The following RBFOX1 variants were observed in gnomAD, a reference collection of about 807,000 sequenced individuals.
RBFOX1 encodes the protein RNA binding protein fox-1 homolog 1.
In RBFOX1, 8 loss-of-function variants were observed where a neutral mutation model predicts 57.7. That is an observed-to-expected ratio of 0.14 (90% CI 0.08 to 0.25). The LOEUF (loss-of-function observed/expected upper bound fraction) is 0.25. Among genes scored for constraint, RBFOX1 ranks in the 10% least tolerant of loss-of-function variants. RBFOX1 has a pLI of 1.00. For missense variants in RBFOX1, 611 were observed against 548.5 expected (o/e 1.11, Z -1.14); for synonymous variants, 326 against 222.4 (o/e 1.47, Z -4.15).
At chr16:6,882,990 A>T (rs1377104030) in intron 3 of RBFOX1, among the ~76,000 whole-genome samples, 2 of 152,088 alleles carry the variant, frequency 1.3e-5, no homozygotes, top group African/African-American at 4.8e-5. Context: ...TAAAGGTGAG[A>T]TTGTGAATTG....
At chr16:7,050,365 A>C (rs2049611051) in intron 3 of RBFOX1, among the ~76,000 whole-genome samples, 1 of 149,350 alleles carries the variant, frequency 6.7e-6, no homozygotes, top group South Asian at 2.1e-4. Context: ...TCCCAGGTTC[A>C]AGTGATTCTC....
At chr16:5,695,813 A>G (rs1479126239) in intron 3 of RBFOX1, among the ~76,000 whole-genome samples, 1 of 152,186 alleles carries the variant, frequency 6.6e-6, no homozygotes, top group Non-Finnish European at 1.5e-5. Context: ...AAAGGAAAGG[A>G]GGTAACTATA....
intron 4 of RBFOX1, among the ~76,000 whole-genome samples, chr16:7,341,141 A>T (rs937664996): frequency 5.3e-5 from 8 of 152,102 alleles, no homozygotes; most frequent in African/African-American, 1.9e-4. Flanking sequence ...CCGTCTAAAG[A>T]TAGACCTCTC....
At chr16:5,504,073 A>G (rs1198882165) in intron 2 of RBFOX1, among the ~76,000 whole-genome samples, 3 of 152,146 alleles carry the variant, frequency 2.0e-5, no homozygotes, top group Non-Finnish European at 4.4e-5. Context: ...CTGGAGCAGC[A>G]TCTCCAGAGG....
At chr16:6,302,539 T>A (rs1034770808) in intron 1 of RBFOX1, among the ~76,000 whole-genome samples, 3 of 152,232 alleles carry the variant, frequency 2.0e-5, no homozygotes, top group African/African-American at 7.2e-5. Context: ...TGTGTCATAC[T>A]GAGAGGCACG....
At chr16:5,673,066 G>T (rs1275121973) in intron 3 of RBFOX1, among the ~76,000 whole-genome samples, 1 of 152,118 alleles carries the variant, frequency 6.6e-6, no homozygotes, top group Non-Finnish European at 1.5e-5. Context: ...GCTTCCAGCG[G>T]TTTGGAAGTA....
chr16:6,423,200 T>G (rs987451758), intron 2 of RBFOX1, among the ~76,000 whole-genome samples: 3 of 152,220 alleles, frequency 2.0e-5, no homozygotes, highest in African/African-American at 7.2e-5. Flanking sequence ...CTGATAACAA[T>G]ACAGTGTTTG....
At chr16:5,467,328 C>T (rs676143) in intron 2 of RBFOX1, 107,649 of 1,386,468 alleles carry the variant, frequency 0.078, 8,350 homozygotes, top group African/African-American at 0.4. Context: ...AAAAATCTTG[C>T]GTCACAGCCC....
chr16:7,221,079 GC>G (rs1335381022), intron 4 of RBFOX1, among the ~76,000 whole-genome samples: 7 of 152,106 alleles, frequency 4.6e-5, no homozygotes, highest in Admixed American at 4.6e-4. Context: ...TTAAAATGAA[GC>G]CAGGTTGATG....
At chr16:6,646,318 C>T (rs990425617) in intron 2 of RBFOX1, among the ~76,000 whole-genome samples, 10 of 152,048 alleles carry the variant, frequency 6.6e-5, no homozygotes, top group African/African-American at 1.7e-4. Context: ...GGGCGCCTCC[C>T]GCATAGATCT....
chr16:6,466,095 G>T (rs1390561802), intron 2 of RBFOX1, among the ~76,000 whole-genome samples: 5 of 151,896 alleles, frequency 3.3e-5, no homozygotes, highest in Non-Finnish European at 7.4e-5. Context: ...CAGGTGTGGT[G>T]GTGGGCACCT....
In RBFOX1 at chr16:6,485,975, G is replaced by A. The variant is rs147363970; in HGVS notation, c.-63-168628G>A. ...TAGTTTTTCTTTTTTGTATGATATT[G>A]TGTTCCTTTTTGCTCTTAAAAAGGA... On this transcript the variant is annotated intron_variant, in intron 2 of 15. Coordinates refer to ENST00000550418, the MANE Select transcript of RBFOX1 (RefSeq NM_018723.4). 1.3e-3 allele frequency among the ~76,000 whole-genome samples: 184 copies of A among 146,282 alleles called. 2 individuals carry two copies. The South Asian group carries it at 0.017, about 14-fold the overall frequency.
In RBFOX1 at chr16:6,960,637, T is replaced by A. The variant is rs867385023; in HGVS notation, c.-15-91420T>A. Among the ~76,000 whole-genome samples the A allele has an allele frequency of 4.4e-4, 67 of 151,968 alleles. 1 individual carries two copies. The highest frequency in any genetic ancestry group is 7.9e-4 in the Non-Finnish European group (54 of 67,978). ...TGCCTTTTTTCCTGCCTTCTCTCCTTCCTTCCTCTGTTCTGGAGACAGGAC... is the reference window on the plus strand; with the variant it reads ...TGCCTTTTTTCCTGCCTTCTCTCCTACCTTCCTCTGTTCTGGAGACAGGAC... On this transcript the variant is annotated intron_variant, in intron 3 of 15. Transcript: ENST00000550418.
chr16:5,542,535 G>A (rs948383221), intron 2 of RBFOX1, among the ~76,000 whole-genome samples: 8 of 151,918 alleles, frequency 5.3e-5, no homozygotes, highest in African/African-American at 1.5e-4. Flanking sequence ...GGGGTTACAG[G>A]CGTGAACCAC....
At chr16:5,506,452 A>G (rs2043382169) in intron 2 of RBFOX1, among the ~76,000 whole-genome samples, 1 of 152,208 alleles carries the variant, frequency 6.6e-6, no homozygotes, top group Admixed American at 6.5e-5. Flanking sequence ...ACGTGAACCC[A>G]GACCAGAGAA....
chr16:5,426,822 G>C lies in RBFOX1; in HGVS notation c.220-40394G>C, dbSNP rs551224936. On this transcript the variant is annotated intron_variant, in intron 1 of 2. Coordinates refer to the RBFOX1 transcript ENST00000585867. Reference sequence around the variant, plus strand: ...ATTAAATATAACAACAGTAAAAACAGACATCTGGAGATCAGACCAGGTGGT... The same window carrying C: ...ATTAAATATAACAACAGTAAAAACACACATCTGGAGATCAGACCAGGTGGT... Among the ~76,000 whole-genome samples, 14 of 152,306 alleles carry C rather than the reference G, an allele frequency of 9.2e-5. 1 individual carries two copies. Among genetic ancestry groups the C allele is most frequent in the African/African-American group, 3.4e-4 (14 of 41,566 alleles).
intron 3 of RBFOX1, among the ~76,000 whole-genome samples, chr16:5,821,776 G>T (rs1387940318): frequency 2.0e-5 from 3 of 152,166 alleles, no homozygotes; most frequent in African/African-American, 7.2e-5. Flanking sequence ...TCAGTGTTTA[G>T]TGAGGGCTGC....
At chr16:7,150,142 G>C (rs555548298) in intron 4 of RBFOX1, among the ~76,000 whole-genome samples, 1 of 152,154 alleles carries the variant, frequency 6.6e-6, no homozygotes, top group East Asian at 1.9e-4. Context: ...ATGGTCTGTT[G>C]ATGTTTCCTA....
chr16:7,332,852 T>C, intron 4 of RBFOX1: 1 of 1,456,706 alleles, frequency 6.9e-7, no homozygotes, highest in Non-Finnish European at 9.0e-7. Flanking sequence ...TTTCTTTCTT[T>C]CCTCTCCCGG....
Sources: allele counts gnomAD v4.1 joint callset (sites outside exome capture counted in the v4.1 genomes callset), GRCh38; gene constraint gnomAD v4.1.1; transcripts MANE v1.5; gene names NCBI Gene and HGNC (gene_info 2026-07-23, HGNC 2026-07-21).